Variants in RALY observed in about 807,000 individuals in gnomAD.
RALY encodes RNA-binding protein Raly.
Under a neutral mutation model 30.7 loss-of-function variants are expected in RALY, and 15 were observed. That is an observed-to-expected ratio of 0.49 (90% CI 0.33 to 0.75). The LOEUF is 0.75. RALY is among the 30% of genes least tolerant of loss of function. RALY has a pLI of 0.02. For missense variants in RALY, 339 were observed against 414.3 expected (o/e 0.82, Z 1.58); for synonymous variants, 177 against 170.8 (o/e 1.04, Z -0.28).
chr20:34,072,478 T>G, intron 3 of RALY, 148 bp downstream of exon 3: 1 of 1,164,104 alleles, frequency 8.6e-7, no homozygotes, highest in South Asian at 1.8e-5. Flanking sequence ...TTTTAAATAG[T>G]TATAAAATTA....
chr20:34,083,355 C>T lies in RALY; in HGVS notation c.*3450C>T, dbSNP rs943388966. The T allele has an allele frequency of 1.3e-5, 2 of 152,236 alleles. No homozygotes were observed. The highest frequency in any genetic ancestry group is 4.8e-5 in the African/African-American group (2 of 41,446). The allele number at this position is 152,236 out of a possible 1,614,324, so 9.4% of individuals were successfully genotyped here. ...GCAACTGGGCCACACGTTCCAGCATCTAGCAGGCTGACCCAGGATTCTAGA... is the reference window on the plus strand; with the variant it reads ...GCAACTGGGCCACACGTTCCAGCATTTAGCAGGCTGACCCAGGATTCTAGA... On this transcript the variant is annotated 3_prime_UTR_variant, in exon 10 of 10. Coordinates refer to ENST00000246194, the MANE Select transcript of RALY (RefSeq NM_016732.3).
rs2034004730 is a variant in RALY, at chr20:34,080,139, G to A, written c.*234G>A. 1.3e-5 allele frequency: 2 copies of A among 152,460 alleles called. No individual in the cohort carries two copies. The highest frequency in any genetic ancestry group is 1.3e-4 in the Admixed American group (2 of 15,292). The allele number at this position is 152,460 out of a possible 1,614,324, so 9.4% of individuals were successfully genotyped here. ...TCTGCACTGCCCAGGCCAGAGGGTA[G>A]AGCACAGGGGTTTCCCCATACTACC... On this transcript the variant is annotated 3_prime_UTR_variant, in exon 10 of 10. Transcript: ENST00000246194.
At chr20:34,058,579 G>T (rs1201939576) in intron 2 of RALY, among the ~76,000 whole-genome samples, 3 of 152,080 alleles carry the variant, frequency 2.0e-5, no homozygotes, top group Non-Finnish European at 4.4e-5. Context: ...TCATCCCTTC[G>T]GAAGAACCCA....
chr20:34,027,074 C>T (rs1022349434), intron 1 of RALY, among the ~76,000 whole-genome samples: 2 of 152,154 alleles, frequency 1.3e-5, no homozygotes, highest in African/African-American at 2.4e-5. Flanking sequence ...CACAATCTTA[C>T]GGAGAAGACA....
At chr20:33,994,242 T>C (rs893856491) in intron 1 of RALY, 111 bp downstream of exon 1, 2 of 152,518 alleles carry the variant, frequency 1.3e-5, no homozygotes, top group Non-Finnish European at 2.9e-5. Flanking sequence ...TAGAAACTTA[T>C]TTCTGCCCTT....
At chr20:33,997,151 C>G (rs1054963180) in intron 1 of RALY, among the ~76,000 whole-genome samples, 1 of 152,056 alleles carries the variant, frequency 6.6e-6, no homozygotes, top group Non-Finnish European at 1.5e-5. Context: ...AGTCTCACTC[C>G]GTCGCCCAGG....
At chr20:34,042,751 T>G (rs886622773) in intron 2 of RALY, among the ~76,000 whole-genome samples, 1 of 152,246 alleles carries the variant, frequency 6.6e-6, no homozygotes, top group African/African-American at 2.4e-5. Flanking sequence ...TGGAAATATT[T>G]TATCTGCGTA....
At chr20:34,008,432 A>G (rs559107134) in intron 1 of RALY, among the ~76,000 whole-genome samples, 76 of 152,320 alleles carry the variant, frequency 5.0e-4, no homozygotes, top group African/African-American at 1.7e-3. Context: ...TGCAAAGACA[A>G]GGAACTTTTA....
chr20:34,007,820 C>CAAAAAAAAAAAAAAA (rs10649045), intron 1 of RALY, among the ~76,000 whole-genome samples: 7 of 101,606 alleles, frequency 6.9e-5, no homozygotes, highest in African/African-American at 2.5e-4. Context: ...AACTCCGTCT[C>CAAAAAAAAAAAAAAA]AAAAAAAAAA....
At chr20:34,028,386 C>T (rs2032126196) in intron 1 of RALY, among the ~76,000 whole-genome samples, 1 of 151,834 alleles carries the variant, frequency 6.6e-6, no homozygotes, top group Non-Finnish European at 1.5e-5. Context: ...TACTGTATTC[C>T]TGAGGCCTTA....
chr20:34,054,687 G>A (rs1201175412), intron 2 of RALY, among the ~76,000 whole-genome samples: 1 of 152,098 alleles, frequency 6.6e-6, no homozygotes, highest in African/African-American at 2.4e-5. Flanking sequence ...TTAGCCAGGC[G>A]TGATGGTGTA....
chr20:34,022,542 G>T (rs2031868752), intron 1 of RALY, among the ~76,000 whole-genome samples: 1 of 152,050 alleles, frequency 6.6e-6, no homozygotes, highest in African/African-American at 2.4e-5. Context: ...CTAAAGGCTG[G>T]CTTTATCCCT....
intron 8 of RALY, 92 bp downstream of exon 8, chr20:34,077,337 C>A: frequency 6.4e-7 from 1 of 1,568,108 alleles, no homozygotes; most frequent in Non-Finnish European, 8.6e-7. Flanking sequence ...GCTGGTTGCC[C>A]CCACTGTGAA....
chr20:34,024,357 C>T (rs1028939279), intron 1 of RALY, among the ~76,000 whole-genome samples: 2 of 152,298 alleles, frequency 1.3e-5, no homozygotes, highest in African/African-American at 2.4e-5. Flanking sequence ...AGTAATTACT[C>T]GTGCCTCCCT....
chr20:34,016,028 A>G (rs1363616078), intron 1 of RALY, among the ~76,000 whole-genome samples: 2 of 152,122 alleles, frequency 1.3e-5, no homozygotes, highest in Non-Finnish European at 2.9e-5. Context: ...CTACCAAAGT[A>G]TCTGCAAGCC....
intron 2 of RALY, among the ~76,000 whole-genome samples, chr20:34,047,118 C>T (rs1425589669): frequency 6.6e-6 from 1 of 152,162 alleles, no homozygotes; most frequent in African/African-American, 2.4e-5. Context: ...CATGCCTGGC[C>T]TTGACCTCTA....
chr20:34,027,314 C>T (rs1165149919), intron 1 of RALY, among the ~76,000 whole-genome samples: 2 of 152,220 alleles, frequency 1.3e-5, no homozygotes, highest in African/African-American at 2.4e-5. Flanking sequence ...CACTTAGCCT[C>T]ACCTGTCTTC....
At chr20:34,048,575 G>A (rs545867578) in intron 2 of RALY, among the ~76,000 whole-genome samples, 42 of 152,230 alleles carry the variant, frequency 2.8e-4, no homozygotes, top group Admixed American at 2.7e-3. Context: ...TTTTCTCTGC[G>A]GCCGGGCGTG....
chr20:34,043,565 ATCT>A (rs1029170041), intron 2 of RALY, among the ~76,000 whole-genome samples: 5 of 152,092 alleles, frequency 3.3e-5, no homozygotes, highest in African/African-American at 1.2e-4. Flanking sequence ...CTAAAATCTA[ATCT>A]TCTTAGAATG....
Sources: allele counts gnomAD v4.1 joint callset (sites outside exome capture counted in the v4.1 genomes callset), GRCh38; gene constraint gnomAD v4.1.1; transcripts MANE v1.5; gene names NCBI Gene and HGNC (gene_info 2026-07-23, HGNC 2026-07-21).